FXR1: variants seen among roughly 807,000 people sequenced by gnomAD.
The protein encoded by FXR1 is RNA-binding protein FXR1.
In FXR1, 15 loss-of-function variants were observed where a neutral mutation model predicts 84.0. The ratio of observed to expected loss-of-function variants is 0.18; its 90% CI spans 0.12 to 0.27. The LOEUF is 0.27. Ranked by LOEUF, FXR1 falls within the 10% of genes least tolerant of loss-of-function variation. FXR1 has a pLI of 1.00. For missense variants in FXR1, 480 were observed against 774.4 expected (o/e 0.62, Z 4.51); for synonymous variants, 245 against 250.7 (o/e 0.98, Z 0.21).
chr3:180,955,137 G>A (rs1488274801), intron 9 of FXR1, among the ~76,000 whole-genome samples: 1 of 151,830 alleles, frequency 6.6e-6, no homozygotes, highest in Non-Finnish European at 1.5e-5. Context: ...TGGGACTACA[G>A]GCGCCTGCCA....
At chr3:180,973,346 CAAT>C (rs1713823066) in intron 15 of FXR1, among the ~76,000 whole-genome samples, 1 of 152,138 alleles carries the variant, frequency 6.6e-6, no homozygotes, top group South Asian at 2.1e-4. Flanking sequence ...ATTGTTTCAA[CAAT>C]GTGTTAGGTT....
chr3:180,980,039 C>G lies in FXR1; in HGVS notation c.*3747C>G, dbSNP rs1338740150. 3 of 151,934 alleles carry G rather than the reference C, an allele frequency of 2.0e-5. No individual in the cohort carries two copies. Among genetic ancestry groups the G allele is most frequent in the Non-Finnish European group, 4.4e-5 (3 of 67,868 alleles). 9.4% of individuals were successfully genotyped at this position (151,934 alleles called of 1,614,324 possible). ...ACAGAATTAGAAGCTGCTATTTTAG[C>G]TCTATTAACTTTTTCTCTATGGTTT... On this transcript the variant is annotated 3_prime_UTR_variant, in exon 17 of 17. Coordinates refer to ENST00000357559, the MANE Select transcript of FXR1 (RefSeq NM_005087.4).
intron 1 of FXR1, among the ~76,000 whole-genome samples, chr3:180,925,117 A>G (rs950688462): frequency 6.6e-6 from 1 of 152,066 alleles, no homozygotes; most frequent in Non-Finnish European, 1.5e-5. Flanking sequence ...TAATCCCAGC[A>G]CTTTGGGGGC....
chr3:180,978,694 C>CT lies in FXR1; in HGVS notation c.*2402_*2403insT, dbSNP rs1714446704. On this transcript the variant is annotated 3_prime_UTR_variant, in exon 17 of 17. Coordinates refer to ENST00000357559, the MANE Select transcript of FXR1 (RefSeq NM_005087.4). ...GAACTCAGTTCTGGGCCACTGAGAC[C>CT]CTCTTTAAAGAGAAGGAAAAAAAGG... The CT allele has an allele frequency of 6.6e-6, 1 of 151,962 alleles. No individual in the cohort carries two copies. The highest frequency in any genetic ancestry group is 1.5e-5 in the Non-Finnish European group (1 of 67,956). The allele number at this position is 151,962 out of a possible 1,614,324, so 9.4% of individuals were successfully genotyped here.
chr3:180,958,460 G>A (rs1198146999), intron 10 of FXR1, among the ~76,000 whole-genome samples: 2 of 152,128 alleles, frequency 1.3e-5, no homozygotes, highest in African/African-American at 4.8e-5. Context: ...TCATAGCTAA[G>A]CTCCCACTTA....
At chr3:180,924,396 T>G (rs1415027312) in intron 1 of FXR1, among the ~76,000 whole-genome samples, 1 of 152,200 alleles carries the variant, frequency 6.6e-6, no homozygotes, top group Non-Finnish European at 1.5e-5. Context: ...TGCATCGGGC[T>G]GTATTCTCCT....
intron 3 of FXR1, 81 bp downstream of exon 3, chr3:180,935,312 A>G: frequency 1.5e-6 from 1 of 679,094 alleles, no homozygotes; most frequent in Non-Finnish European, 2.7e-6. Context: ...AGCTTAGTTG[A>G]TGGAGGATAA....
At chr3:180,920,422 G>A (rs973943379) in intron 1 of FXR1, among the ~76,000 whole-genome samples, 1 of 151,844 alleles carries the variant, frequency 6.6e-6, no homozygotes, top group African/African-American at 2.4e-5. Flanking sequence ...TTTGATCTTG[G>A]TCAAGTTCAG....
chr3:180,931,741 T>TG (rs1491056757), intron 1 of FXR1, among the ~76,000 whole-genome samples: 2 of 43,678 alleles, frequency 4.6e-5, no homozygotes, highest in Non-Finnish European at 8.5e-5. Context: ...TGTTGTGGGT[T>TG]TTTTTTTTTT....
intron 1 of FXR1, among the ~76,000 whole-genome samples, chr3:180,918,244 C>T (rs1276468856): frequency 1.3e-5 from 2 of 152,036 alleles, no homozygotes; most frequent in Admixed American, 6.6e-5. Flanking sequence ...TATTAAGCTT[C>T]TATATGTATT....
chr3:180,917,333 A>G (rs1022478897), intron 1 of FXR1, among the ~76,000 whole-genome samples: 1 of 152,222 alleles, frequency 6.6e-6, no homozygotes, highest in Non-Finnish European at 1.5e-5. Context: ...TTCAGAGGGT[A>G]TGCTGACTTT....
intron 13 of FXR1, among the ~76,000 whole-genome samples, chr3:180,966,540 TATCTG>T (rs1018931953): frequency 1.9e-4 from 29 of 152,336 alleles, no homozygotes; most frequent in African/African-American, 6.0e-4. Flanking sequence ...AAATCACTCT[TATCTG>T]AGAGTTTAGC....
chr3:180,958,615 T>C (rs1440983439), intron 10 of FXR1, among the ~76,000 whole-genome samples: 1 of 152,132 alleles, frequency 6.6e-6, no homozygotes, highest in African/African-American at 2.4e-5. Flanking sequence ...TACCACATTT[T>C]TTTTGTATCC....
intron 1 of FXR1, 141 bp downstream of exon 1, chr3:180,912,877 C>A: frequency 7.0e-7 from 1 of 1,437,904 alleles, no homozygotes; most frequent in Non-Finnish European, 9.6e-7. Context: ...CCTTGCTTCT[C>A]CCCCCTCCAC....
intron 16 of FXR1, 123 bp downstream of exon 16, chr3:180,975,527 TA>T (rs1009504774): frequency 4.2e-6 from 2 of 478,088 alleles, no homozygotes; most frequent in Admixed American, 8.2e-5. Flanking sequence ...CTATTTTAGT[TA>T]AAGACTCTTG....
intron 1 of FXR1, among the ~76,000 whole-genome samples, chr3:180,920,138 AGATCAG>A (rs1222229729): frequency 1.3e-5 from 2 of 152,180 alleles, no homozygotes; most frequent in East Asian, 3.9e-4. Context: ...AGATTTCTTC[AGATCAG>A]GAGCCTCAGA....
intron 1 of FXR1, among the ~76,000 whole-genome samples, chr3:180,926,520 C>G (rs1454606205): frequency 9.5e-6 from 1 of 104,792 alleles, no homozygotes; most frequent in Non-Finnish European, 1.9e-5. Context: ...TTTTTTCTGG[C>G]CTTTTGTTGG....
intron 1 of FXR1, chr3:180,914,787 G>GT: frequency 1.0e-6 from 1 of 980,866 alleles, no homozygotes; most frequent in Non-Finnish European, 1.2e-6. Context: ...CACAAAGTGA[G>GT]TTGGTACTTT....
intron 10 of FXR1, 98 bp from the exon 11 acceptor site, chr3:180,961,355 AAAAAAAAAAAAAGGT>A (rs1250809534): frequency 2.9e-5 from 13 of 446,468 alleles, no homozygotes; most frequent in African/African-American, 8.6e-5. Flanking sequence ...AAAAAAAAAA[AAAAAAAAAAAAAGGT>A]GTGTGTGTGT....
Sources: gnomAD v4.1 joint callset for allele counts (sites outside exome capture counted in the v4.1 genomes callset) on GRCh38, gnomAD v4.1.1 for gene constraint, MANE v1.5 for transcripts, NCBI Gene and HGNC (gene_info 2026-07-23, HGNC 2026-07-21) for gene names.